The following GNAO1 variants were observed in gnomAD, a reference collection of about 807,000 sequenced individuals.
The protein encoded by GNAO1 is G protein subunit alpha o1, also known as guanine nucleotide-binding protein G(o) subunit alpha.
For synonymous variants in GNAO1, 164 were observed against 180.7 expected (o/e 0.91, Z 0.74); for missense variants, 166 against 478.7 (o/e 0.35, Z 6.10).
intron 6 of GNAO1, among the ~76,000 whole-genome samples, chr16:56,341,590 C>G (rs1408145894): frequency 2.0e-5 from 3 of 152,222 alleles, no homozygotes; most frequent in African/African-American, 7.2e-5. Flanking sequence ...GGGGCTGCTG[C>G]AAGACTCAAA....
intron 2 of GNAO1, among the ~76,000 whole-genome samples, chr16:56,267,356 G>A (rs1188092101): frequency 6.6e-6 from 1 of 152,228 alleles, no homozygotes; most frequent in African/African-American, 2.4e-5. Flanking sequence ...GGGAACGGCA[G>A]ACCCGTGCCA....
intron 6 of GNAO1, among the ~76,000 whole-genome samples, chr16:56,341,789 A>C (rs993587740): frequency 3.3e-5 from 5 of 152,200 alleles, no homozygotes; most frequent in Admixed American, 2.0e-4. Flanking sequence ...CAGAGCGGTT[A>C]CAGGGCCCCA....
At chr16:56,284,225 C>T (rs754492322) in intron 3 of GNAO1, among the ~76,000 whole-genome samples, 2 of 152,206 alleles carry the variant, frequency 1.3e-5, no homozygotes, top group Admixed American at 6.5e-5. Flanking sequence ...GGCAGAGATG[C>T]CAGCCCCAGA....
At chr16:56,247,106 T>G (rs188742611) in intron 2 of GNAO1, among the ~76,000 whole-genome samples, 28 of 152,296 alleles carry the variant, frequency 1.8e-4, no homozygotes, top group Non-Finnish European at 3.1e-4. Flanking sequence ...GGGGCCATCT[T>G]TGCCCGCCTC....
At chr16:56,279,762 C>A (rs1363433384) in intron 3 of GNAO1, among the ~76,000 whole-genome samples, 1 of 152,170 alleles carries the variant, frequency 6.6e-6, no homozygotes, top group South Asian at 2.1e-4. Flanking sequence ...TCATGAAAGC[C>A]GCGAGCCTTC....
At chr16:56,222,189 A>C (rs2036496179) in intron 2 of GNAO1, among the ~76,000 whole-genome samples, 2 of 150,786 alleles carry the variant, frequency 1.3e-5, no homozygotes. Context: ...CGCAGGAGAG[A>C]TCTTTATGGG....
chr16:56,332,072 C>T (rs1333094255), intron 4 of GNAO1, among the ~76,000 whole-genome samples: 2 of 152,208 alleles, frequency 1.3e-5, no homozygotes, highest in Non-Finnish European at 2.9e-5. Context: ...ACAGCCACCC[C>T]CACTGTGCCA....
At chr16:56,196,465 A>G (rs1263570650) in intron 2 of GNAO1, among the ~76,000 whole-genome samples, 1 of 152,234 alleles carries the variant, frequency 6.6e-6, no homozygotes, top group African/African-American at 2.4e-5. Context: ...GAAATCCCAT[A>G]ACAAGTTGTA....
rs751053127 is a variant in GNAO1 at position 56,297,287 on chromosome 16, CTGTA to C, written c.303+21216_303+21219del. On this transcript the variant is annotated intron_variant, in intron 3 of 8. Transcript: ENST00000262493. Reference sequence around the variant, plus strand: ...GCTCACAGAACACTCACGCCCTGCCCTGTACCCTCATCCATACAGCAAGCTCATG... The same window carrying C: ...GCTCACAGAACACTCACGCCCTGCCCCCCTCATCCATACAGCAAGCTCATG... 1.4e-4 allele frequency among the ~76,000 whole-genome samples: 22 copies of C among 152,240 alleles called. No individual in the cohort carries two copies. In the East Asian group the frequency reaches 3.5e-3, roughly 24 times the overall value.
At chr16:56,336,983 G>A in intron 6 of GNAO1, 123 bp downstream of exon 6, 1 of 946,882 alleles carries the variant, frequency 1.1e-6, no homozygotes, top group African/African-American at 1.6e-5. Context: ...CAGCTGTTGT[G>A]GTTAGAGGTT....
chr16:56,238,883 A>G (rs1262574021), intron 2 of GNAO1, among the ~76,000 whole-genome samples: 1 of 152,284 alleles, frequency 6.6e-6, no homozygotes, highest in Admixed American at 6.5e-5. Flanking sequence ...CTTTCAATGC[A>G]TGTGTATGTG....
chr16:56,288,376 C>T (rs921584997), intron 3 of GNAO1, among the ~76,000 whole-genome samples: 1 of 152,216 alleles, frequency 6.6e-6, no homozygotes, highest in East Asian at 1.9e-4. Flanking sequence ...GGATTGGCAC[C>T]GGTGGGGTCT....
chr16:56,267,099 G>T (rs1001662505), intron 2 of GNAO1, among the ~76,000 whole-genome samples: 4 of 152,134 alleles, frequency 2.6e-5, no homozygotes, highest in African/African-American at 7.2e-5. Flanking sequence ...ACATTCCAGG[G>T]AAAGGAAATA....
intron 2 of GNAO1, among the ~76,000 whole-genome samples, chr16:56,272,578 A>G (rs1002189624): frequency 5.3e-5 from 8 of 152,166 alleles, no homozygotes; most frequent in Admixed American, 2.0e-4. Flanking sequence ...GCCAGGCAGT[A>G]TTTTCAGCCC....
intron 6 of GNAO1, chr16:56,347,655 A>G: frequency 1.0e-6 from 1 of 985,454 alleles, no homozygotes; most frequent in Non-Finnish European, 1.2e-6. Flanking sequence ...TCTCATCCCC[A>G]GGCCCAGTGC....
intron 2 of GNAO1, among the ~76,000 whole-genome samples, chr16:56,203,295 A>C (rs2036297020): frequency 6.6e-6 from 1 of 152,146 alleles, no homozygotes; most frequent in South Asian, 2.1e-4. Flanking sequence ...CATTCACAGC[A>C]TCTCATTCCT....
chr16:56,264,827 T>C (rs1414345491), intron 2 of GNAO1, among the ~76,000 whole-genome samples: 1 of 148,984 alleles, frequency 6.7e-6, no homozygotes, highest in Non-Finnish European at 1.5e-5. Flanking sequence ...GTATATAGTA[T>C]AGTATACTAA....
At chr16:56,347,765 AC>A (rs1567494741) in intron 6 of GNAO1, 3 of 196,954 alleles carry the variant, frequency 1.5e-5, no homozygotes, top group Non-Finnish European at 1.2e-5. Flanking sequence ...TTCCCTCCCC[AC>A]CCCTCCCCTC....
Position 56,191,953 on chromosome 16 carries a change from G to T in GNAO1, c.-283G>T. 2.0e-6 allele frequency: 1 copy of T among 494,160 alleles called. No individual in the cohort carries two copies. 30.6% of individuals were successfully genotyped at this position (494,160 alleles called of 1,614,324 possible). ...GCAGTCCGCGCCTCCTCGGCCCGCG[G>T]GCGCCTCCTCCCTTGGCTCCGGAGC... is the stretch of plus-strand genomic sequence containing the variant. On this transcript the variant is annotated 5_prime_UTR_variant, in exon 1 of 9. Transcript: ENST00000262493. This position sits in a 1 kb window ranked among gnomAD's most constrained non-coding sequence, Gnocchi z 4.7.
Sources: allele counts gnomAD v4.1 joint callset (sites outside exome capture counted in the v4.1 genomes callset), GRCh38; gene constraint gnomAD v4.1.1; non-coding constraint Gnocchi (gnomAD v3.1); transcripts MANE v1.5; gene names NCBI Gene and HGNC (gene_info 2026-07-23, HGNC 2026-07-21).